The following MSI2 variants were observed in gnomAD, a reference collection of about 807,000 sequenced individuals.
MSI2 encodes the protein musashi RNA binding protein 2.
Under a neutral mutation model 45.6 loss-of-function variants are expected in MSI2, and 17 were observed. The observed-to-expected ratio is 0.37, with a 90% confidence interval of 0.26 to 0.56. The LOEUF (loss-of-function observed/expected upper bound fraction) is 0.56. Ranked by LOEUF, MSI2 falls within the 20% of genes least tolerant of loss-of-function variation. The pLI is 0.77. For synonymous variants in MSI2, 156 were observed against 158.2 expected, an observed-to-expected ratio of 0.99 and a Z score of 0.11; for missense variants, 293 against 444.2, an observed-to-expected ratio of 0.66 and a Z score of 3.06.
At chr17:57,666,185 A>C (rs1463146583) in intron 11 of MSI2, among the ~76,000 whole-genome samples, 8 of 152,226 alleles carry the variant, frequency 5.3e-5, no homozygotes, top group Non-Finnish European at 1.0e-4. Flanking sequence ...GTGATTCCAG[A>C]AGGGACAACT....
chr17:57,652,251 C>G lies in MSI2; in HGVS notation c.790+90C>G. On this transcript the variant is annotated intron_variant, in intron 11 of 13. Coordinates refer to ENST00000284073, the MANE Select transcript of MSI2 (RefSeq NM_138962.4). This position sits in a 1 kb window ranked among gnomAD's most constrained non-coding sequence, Gnocchi z 4.1. The stretch of plus-strand genomic sequence containing the variant: ...CCCTGTCGGATCTGTGTGGCTGCAT[C>G]TGTCCAACACCACTCTCACCACAGC... The G allele has an allele frequency of 7.8e-7, 1 of 1,279,514 alleles. No individual in the cohort carries two copies. The highest frequency in any genetic ancestry group is 1.1e-6 in the Non-Finnish European group (1 of 886,168). 79.3% of individuals were successfully genotyped at this position (1,279,514 alleles called of 1,614,324 possible).
chr17:57,412,328 G>A (rs757176394), intron 6 of MSI2, among the ~76,000 whole-genome samples: 10 of 152,074 alleles, frequency 6.6e-5, no homozygotes, highest in Non-Finnish European at 1.3e-4. Context: ...GTGAGCTACC[G>A]CACCTGGCCA....
At chr17:57,524,686 C>G (rs968031920) in intron 6 of MSI2, among the ~76,000 whole-genome samples, 1 of 152,142 alleles carries the variant, frequency 6.6e-6, no homozygotes, top group Non-Finnish European at 1.5e-5. Context: ...TCTTTTCCAT[C>G]GTGGGGTCTA....
chr17:57,564,101 C>G (rs1320751276), intron 7 of MSI2, among the ~76,000 whole-genome samples: 1 of 152,226 alleles, frequency 6.6e-6, no homozygotes, highest in Non-Finnish European at 1.5e-5. Context: ...CACAAAGGCC[C>G]CCATGTCCCT....
intron 5 of MSI2, chr17:57,285,736 G>A: frequency 1.1e-6 from 1 of 889,258 alleles, no homozygotes; most frequent in Non-Finnish European, 1.6e-6. Flanking sequence ...GTATTCCTGA[G>A]AATTTCTGTG....
At position 57,327,640 on chromosome 17, in the gene MSI2, A is replaced by G. The variant is rs181367828; in HGVS notation, c.312+65448A>G. ...TGCTCCTACTCTCTGAGCTTCGGGTAGACAAAACAGGATTGATTGTGTCTC... is the reference window on the plus strand; with the variant it reads ...TGCTCCTACTCTCTGAGCTTCGGGTGGACAAAACAGGATTGATTGTGTCTC... On this transcript the variant is annotated intron_variant, in intron 5 of 13. Transcript: ENST00000284073. Among the ~76,000 whole-genome samples, 444 of 152,296 alleles carry G rather than the reference A, an allele frequency of 2.9e-3. 6 individuals are homozygous for G. The highest frequency in any genetic ancestry group is 0.01 in the African/African-American group (432 of 41,542).
rs541337229 is a variant in MSI2 at position 57,333,762 on chromosome 17, G to A, written c.313-67617G>A. Among the ~76,000 whole-genome samples the A allele has an allele frequency of 4.0e-5, 6 of 149,238 alleles. No individual in the cohort carries two copies. In the East Asian group the frequency reaches 5.9e-4, roughly 15 times the overall value. On this transcript the variant is annotated intron_variant, in intron 5 of 13. Coordinates refer to ENST00000284073, the MANE Select transcript of MSI2 (RefSeq NM_138962.4). ...CTGGCCTGGTTTGTACCTTTTAAAC[G>A]TATTATTATTATTATTTTAAATAAG...
intron 6 of MSI2, among the ~76,000 whole-genome samples, chr17:57,411,481 TG>T (rs1182019888): frequency 6.6e-6 from 1 of 152,216 alleles, no homozygotes; most frequent in African/African-American, 2.4e-5. Context: ...ACCTTGTAAT[TG>T]TCCCAACAGC....
At chr17:57,576,300 G>A (rs978094966) in intron 7 of MSI2, among the ~76,000 whole-genome samples, 1 of 152,202 alleles carries the variant, frequency 6.6e-6, no homozygotes, top group Non-Finnish European at 1.5e-5. Context: ...GCTTCTCACA[G>A]CCTTGAAGGC....
chr17:57,675,148 C>G, intron 12 of MSI2, 22 bp downstream of exon 12: 1 of 1,602,212 alleles, frequency 6.2e-7, no homozygotes, highest in Non-Finnish European at 8.5e-7. Context: ...CCTTCCCCTG[C>G]CCTCCTGCCT....
rs773391520 is a variant in MSI2, at chr17:57,675,098, C to T, written c.917C>T (p.Pro306Leu). 10 of 1,613,832 alleles carry T rather than the reference C, an allele frequency of 6.2e-6. No individual in the cohort carries two copies. Among genetic ancestry groups the T allele is most frequent in the Non-Finnish European group, 8.5e-6 (10 of 1,179,988 alleles). Reference sequence around the variant, plus strand: ...TACATAAGTGCGGCCAGCCCACAGCCGGGCTCGGGCTTCGGCCACGGCATA... The same window carrying T: ...TACATAAGTGCGGCCAGCCCACAGCTGGGCTCGGGCTTCGGCCACGGCATA... ...GNYISAASPQ[P>L]GSGFGHGIAG... The change falls in exon 12 of 14, where the codon CCG becomes CTG. Residue 306 changes from proline (P) to leucine (L), a missense_variant. Pro to Leu is a moderately conservative substitution (Grantham distance 98). Transcript: ENST00000284073.
chr17:57,448,653 G>A (rs1336080334), intron 6 of MSI2: 1 of 152,398 alleles, frequency 6.6e-6, no homozygotes, highest in South Asian at 2.1e-4. Flanking sequence ...ACCCAGGTAT[G>A]CTGGTTCCTG....
intron 6 of MSI2, among the ~76,000 whole-genome samples, chr17:57,497,760 CA>C (rs2086010471): frequency 6.6e-6 from 1 of 152,194 alleles, no homozygotes; most frequent in Non-Finnish European, 1.5e-5. Context: ...TGTAACAAGT[CA>C]CCAGGTGTGA....
rs181210871 is a variant in MSI2 at position 57,546,201 on chromosome 17, C to T, written c.454+16477C>T. On this transcript the variant is annotated intron_variant, in intron 7 of 13. Transcript: ENST00000284073. ...AGACTGGAGACAACCAGACAAGGTTCGGTGGTAATGAATAAAGAAACATTA... is the reference window on the plus strand; with the variant it reads ...AGACTGGAGACAACCAGACAAGGTTTGGTGGTAATGAATAAAGAAACATTA... Among the ~76,000 whole-genome samples the T allele has an allele frequency of 2.9e-3, 436 of 152,258 alleles. 2 individuals are homozygous for T. Among genetic ancestry groups the T allele is most frequent in the Non-Finnish European group, 4.9e-3 (330 of 68,018 alleles).
chr17:57,669,510 T>C (rs1047340331), intron 11 of MSI2, among the ~76,000 whole-genome samples: 3 of 152,240 alleles, frequency 2.0e-5, no homozygotes, highest in African/African-American at 7.2e-5. Flanking sequence ...GACAGAGTCC[T>C]ACGACTATGG....
chr17:57,663,519 G>A (rs1168778870), intron 11 of MSI2, among the ~76,000 whole-genome samples: 1 of 152,210 alleles, frequency 6.6e-6, no homozygotes, highest in Non-Finnish European at 1.5e-5. Flanking sequence ...ACCTTGGGGA[G>A]AAGAGGAGAG....
intron 11 of MSI2, among the ~76,000 whole-genome samples, chr17:57,663,801 C>T (rs1912181385): frequency 2.0e-5 from 3 of 152,262 alleles, no homozygotes; most frequent in South Asian, 2.1e-4. Flanking sequence ...CAGTGACTCC[C>T]CTCCCATCTG....
intron 7 of MSI2, among the ~76,000 whole-genome samples, chr17:57,589,314 C>A (rs889456165): frequency 3.9e-5 from 6 of 152,188 alleles, no homozygotes; most frequent in African/African-American, 1.4e-4. Flanking sequence ...GAAAAGGTAG[C>A]TTGTTTTTTT....
chr17:57,656,342 G>A (rs1008432640), intron 11 of MSI2, among the ~76,000 whole-genome samples: 9 of 152,158 alleles, frequency 5.9e-5, no homozygotes, highest in African/African-American at 2.2e-4. Flanking sequence ...AGTCTTAAAG[G>A]TCTTCCTTGT....
Sources: gnomAD v4.1 joint callset for allele counts (sites outside exome capture counted in the v4.1 genomes callset) on GRCh38, gnomAD v4.1.1 for gene constraint, Gnocchi (gnomAD v3.1) non-coding constraint, MANE v1.5 for transcripts, NCBI Gene and HGNC (gene_info 2026-07-23, HGNC 2026-07-21) for gene names.